TBC1D8: variants seen among roughly 807,000 people sequenced by gnomAD.
The protein encoded by TBC1D8 is BUB2-like protein 1.
In TBC1D8, 65 loss-of-function variants were observed where a neutral mutation model predicts 118.8. The ratio of observed to expected loss-of-function variants is 0.55; its 90% CI spans 0.45 to 0.67. The LOEUF is 0.67. Among genes scored for constraint, TBC1D8 ranks in the 30% least tolerant of loss-of-function variants. The pLI, the probability that TBC1D8 is intolerant of heterozygous loss-of-function variation, is 0.00. For missense variants in TBC1D8, 1,376 were observed against 1,471.2 expected (o/e 0.94, Z 1.06); for synonymous variants, 566 against 595.8 (o/e 0.95, Z 0.73).
chr2:101,145,134 C>T (rs1372744830), intron 1 of TBC1D8, among the ~76,000 whole-genome samples: 1 of 152,076 alleles, frequency 6.6e-6, no homozygotes, highest in Non-Finnish European at 1.5e-5. Flanking sequence ...ATCCCACCAC[C>T]TGCACAATTT....
chr2:101,140,467 G>A (rs11694166), intron 1 of TBC1D8, among the ~76,000 whole-genome samples: 19,762 of 151,994 alleles, frequency 0.13, 1,449 homozygotes, highest in East Asian at 0.28. Context: ...ACGGCCCCTG[G>A]GCAATGAGGG....
chr2:101,140,760 CTTTTT>C (rs34909669), intron 1 of TBC1D8, among the ~76,000 whole-genome samples: 5 of 131,270 alleles, frequency 3.8e-5, no homozygotes, highest in African/African-American at 8.3e-5. Context: ...TATATTACTA[CTTTTT>C]TTTTTTTTTT....
Position 101,096,796 on chromosome 2 carries a change from G to C in TBC1D8, c.128-6432C>G, listed in dbSNP as rs202009178. Among the ~76,000 whole-genome samples the C allele has an allele frequency of 3.0e-4, 44 of 146,602 alleles. No individual in the cohort carries two copies. In the Middle Eastern group the frequency reaches 0.014, roughly 46 times the overall value. Reference sequence around the variant, plus strand: ...CTGAAAAGCAAAGTGAGAGAGAGGGGGAGAGAGAGAGAGAGAGAGAGAGAC... The same window carrying C: ...CTGAAAAGCAAAGTGAGAGAGAGGGCGAGAGAGAGAGAGAGAGAGAGAGAC... On this transcript the variant is annotated intron_variant, in intron 1 of 19. Transcript: ENST00000409318.
chr2:101,062,379 T>C (rs1573962196), intron 2 of TBC1D8, among the ~76,000 whole-genome samples: 1 of 151,944 alleles, frequency 6.6e-6, no homozygotes, highest in South Asian at 2.1e-4. Context: ...GCTATTTGTT[T>C]TCATGGACTC....
At position 101,041,921 on chromosome 2, in the gene TBC1D8, C is replaced by T. The variant is rs113797819; in HGVS notation, c.873-1536G>A. 5.4e-3 allele frequency among the ~76,000 whole-genome samples: 814 copies of T among 151,578 alleles called. 5 individuals are homozygous for T. The highest frequency in any genetic ancestry group is 7.8e-3 in the Non-Finnish European group (529 of 67,924). ...ACACCTGTAGTCCCAGCTACTCCACCGGCTGAGATAAAAGGATCACTTGAG... is the reference window on the plus strand; with the variant it reads ...ACACCTGTAGTCCCAGCTACTCCACTGGCTGAGATAAAAGGATCACTTGAG... On this transcript the variant is annotated intron_variant, in intron 5 of 19. Coordinates refer to ENST00000409318, the MANE Select transcript of TBC1D8 (RefSeq NM_001330348.2).
intron 17 of TBC1D8, among the ~76,000 whole-genome samples, chr2:101,018,685 A>ATG (rs1417188305): frequency 6.6e-6 from 1 of 152,240 alleles, no homozygotes; most frequent in Non-Finnish European, 1.5e-5. Flanking sequence ...GGAACTCATG[A>ATG]TGTGAGGGGT....
rs879271358 is a variant in TBC1D8 at position 101,048,742 on chromosome 2, A to T, written c.872+1659T>A. ...ATTTCAAGAATAATAAGTCTTTTTAAAAAAAAAAAAAACACTATATTATTA... is the reference window on the plus strand; with the variant it reads ...ATTTCAAGAATAATAAGTCTTTTTATAAAAAAAAAAAACACTATATTATTA... On this transcript the variant is annotated intron_variant, in intron 5 of 19. Coordinates refer to ENST00000409318, the MANE Select transcript of TBC1D8 (RefSeq NM_001330348.2). Among the ~76,000 whole-genome samples the T allele has an allele frequency of 2.7e-3, 391 of 147,200 alleles. 3 individuals carry two copies. The highest frequency in any genetic ancestry group is 7.7e-3 in the Admixed American group (115 of 14,982).
At chr2:101,063,960 A>G (rs1049053606) in intron 2 of TBC1D8, among the ~76,000 whole-genome samples, 16 of 152,156 alleles carry the variant, frequency 1.1e-4, no homozygotes, top group African/African-American at 3.9e-4. Context: ...GAAAGTGAGA[A>G]TGTGTCATCC....
At chr2:101,122,371 A>C (rs1678156538) in intron 1 of TBC1D8, among the ~76,000 whole-genome samples, 1 of 130,870 alleles carries the variant, frequency 7.6e-6, no homozygotes, top group Admixed American at 8.9e-5. Flanking sequence ...GCGCCCGGCC[A>C]AGACTCCATT....
intron 17 of TBC1D8, among the ~76,000 whole-genome samples, chr2:101,015,242 AG>A (rs1679535879): frequency 6.6e-6 from 1 of 152,292 alleles, no homozygotes; most frequent in African/African-American, 2.4e-5. Context: ...ATGGTATAAA[AG>A]AAAAAAAAAT....
At chr2:101,009,882 T>G (rs12996506) in intron 19 of TBC1D8, among the ~76,000 whole-genome samples, 1 of 149,594 alleles carries the variant, frequency 6.7e-6, no homozygotes, top group Admixed American at 6.8e-5. Context: ...AGTGCAGTGG[T>G]GCGATCTCGG....
intron 15 of TBC1D8, among the ~76,000 whole-genome samples, chr2:101,024,689 A>T (rs1680235372): frequency 1.3e-5 from 2 of 152,066 alleles, no homozygotes; most frequent in Admixed American, 6.6e-5. Flanking sequence ...TTACAGACAT[A>T]AGCCACCGTG....
At chr2:101,119,650 C>T (rs535416207) in intron 1 of TBC1D8, among the ~76,000 whole-genome samples, 1 of 152,358 alleles carries the variant, frequency 6.6e-6, no homozygotes, top group Non-Finnish European at 1.5e-5. Context: ...CCATGACTCA[C>T]TGTGCAGCCA....
At chr2:101,147,215 CTT>C (rs3043505) in intron 1 of TBC1D8, among the ~76,000 whole-genome samples, 22,147 of 152,160 alleles carry the variant, frequency 0.15, 1,990 homozygotes, top group East Asian at 0.27. Context: ...TTATTTATCT[CTT>C]GTTGGACACT....
At chr2:101,088,364 G>A (rs1675779275) in intron 2 of TBC1D8, among the ~76,000 whole-genome samples, 1 of 151,042 alleles carries the variant, frequency 6.6e-6, no homozygotes, top group Non-Finnish European at 1.5e-5. Flanking sequence ...GCATAATCTC[G>A]GCTCACTACA....
chr2:101,108,086 G>C (rs1363777333), intron 1 of TBC1D8, among the ~76,000 whole-genome samples: 4 of 151,414 alleles, frequency 2.6e-5, no homozygotes, highest in African/African-American at 7.3e-5. Flanking sequence ...AGAGGGGAGT[G>C]GGGGGAGGGA....
At chr2:101,046,234 C>T (rs953742499) in intron 5 of TBC1D8, among the ~76,000 whole-genome samples, 1 of 152,208 alleles carries the variant, frequency 6.6e-6, no homozygotes, top group Non-Finnish European at 1.5e-5. Context: ...CAGCCCACGG[C>T]CACTAGGCTC....
At chr2:101,129,965 C>G (rs1233527983) in intron 1 of TBC1D8, among the ~76,000 whole-genome samples, 4 of 151,846 alleles carry the variant, frequency 2.6e-5, no homozygotes, top group Non-Finnish European at 4.4e-5. Flanking sequence ...GTAACAGCAT[C>G]CTCCCTCAGA....
intron 1 of TBC1D8, among the ~76,000 whole-genome samples, chr2:101,114,673 G>A (rs2165427): frequency 0.14 from 20,826 of 152,176 alleles, 1,669 homozygotes; most frequent in East Asian, 0.27. Flanking sequence ...TTTATATCAC[G>A]GACTAAACAG....
Sources: gnomAD v4.1 joint callset for allele counts (sites outside exome capture counted in the v4.1 genomes callset) on GRCh38, gnomAD v4.1.1 for gene constraint, MANE v1.5 for transcripts, NCBI Gene and HGNC (gene_info 2026-07-23, HGNC 2026-07-21) for gene names.